The following SLC26A9 variants were observed in gnomAD, a reference collection of about 807,000 sequenced individuals.
SLC26A9 encodes solute carrier family 26 member 9, also known as anion transporter/exchanger protein 9.
SLC26A9 carries 46 observed loss-of-function variants against 87.1 expected under a neutral mutation model. The ratio of observed to expected loss-of-function variants is 0.53; its 90% CI spans 0.42 to 0.67. SLC26A9 has a LOEUF of 0.67. Among genes scored for constraint, SLC26A9 ranks in the 30% least tolerant of loss-of-function variants. The pLI is 0.00. For missense variants in SLC26A9, 927 were observed against 1,018.3 expected, an observed-to-expected ratio of 0.91 and a Z score of 1.22; for synonymous variants, 437 against 409.1, an observed-to-expected ratio of 1.07 and a Z score of -0.82.
At position 205,918,771 on chromosome 1, in the gene SLC26A9, A is replaced by G. The variant is rs1658699477; in HGVS notation, c.2256+69T>C. 2.0e-5 allele frequency: 31 copies of G among 1,541,728 alleles called. 2 individuals are homozygous for G. The South Asian group carries it at 3.7e-4, about 18-fold the overall frequency. On this transcript the variant is annotated intron_variant, in intron 19 of 20. Transcript: ENST00000367135. ...TTAAACCTTCTCCTGTGTTCTTTCTAATAATGCCTCTTGGTCCTGCTATTT... is the reference window on the plus strand; with the variant it reads ...TTAAACCTTCTCCTGTGTTCTTTCTGATAATGCCTCTTGGTCCTGCTATTT...
At position 205,921,855 on chromosome 1, in the gene SLC26A9, G is replaced by T. The variant is rs762696384; in HGVS notation, c.1774-8C>A. ...CTCCTGCAGGGAGACAGTCTGGAAG[G>T]GTGGGGACAGTGGGCAGAGTCAGGG... On this transcript the variant is annotated splice_region_variant and splice_polypyrimidine_tract_variant and intron_variant, in intron 16 of 20. Transcript: ENST00000367135. 1.9e-6 allele frequency: 3 copies of T among 1,601,600 alleles called. No homozygotes were observed. Among genetic ancestry groups the T allele is most frequent in the South Asian group, 2.2e-5 (2 of 89,082 alleles).
Position 205,931,860 on chromosome 1 carries a change from C to G in SLC26A9, c.552G>C (p.Gln184His). 1 of 1,612,244 alleles carries G rather than the reference C, an allele frequency of 6.2e-7. No homozygotes were observed. The highest frequency in any genetic ancestry group is 2.2e-5 in the East Asian group (1 of 44,856). Residue 184 changes from glutamine to histidine, a missense_variant and splice_region_variant, in exon 5 of 21, where the codon CAG becomes CAC. Transcript: ENST00000367135. ...GCAGGGTTGGGGGCTGCCCCCTCAC[C>G]TGGATGATGGCGGTGAGGCAGGCTA... is the stretch of plus-strand genomic sequence containing the variant. ...ATLACLTAII[Q>H]MGLGFMQFGF...
rs1658470420 is a variant in SLC26A9, at chr1:205,913,897, A to T, written c.*1460T>A. 1 of 152,186 alleles carries T rather than the reference A, an allele frequency of 6.6e-6. No individual in the cohort carries two copies. Among genetic ancestry groups the T allele is most frequent in the Admixed American group, 6.5e-5 (1 of 15,280 alleles). 9.4% of individuals were successfully genotyped at this position (152,186 alleles called of 1,614,324 possible). A position where few individuals can be genotyped will look rare whatever the true frequency, so the allele number is the denominator to read the frequency against. On this transcript the variant is annotated 3_prime_UTR_variant, in exon 21 of 21. Transcript: ENST00000367135. ...GGTCTGGCTGAAGTTAGAAATGGGG[A>T]TGTTTTCCTAGGCTGGGCCAGCCCA... is the stretch of plus-strand genomic sequence containing the variant.
chr1:205,942,625 G>T (rs1659798332), intron 1 of SLC26A9, among the ~76,000 whole-genome samples: 1 of 152,198 alleles, frequency 6.6e-6, no homozygotes. Context: ...AGGATGAGGG[G>T]TTTGGAGGCT....
intron 17 of SLC26A9, among the ~76,000 whole-genome samples, chr1:205,920,624 C>T (rs914833176): frequency 3.3e-5 from 5 of 152,150 alleles, no homozygotes; most frequent in Admixed American, 2.6e-4. Flanking sequence ...CTCAGCCTAC[C>T]GAGTAGCTGG....
chr1:205,918,870 T>C lies in SLC26A9; in HGVS notation c.2226A>G (p.Arg742=). 1.2e-6 allele frequency: 2 copies of C among 1,614,160 alleles called. No individual in the cohort carries two copies. Among genetic ancestry groups the C allele is most frequent in the Non-Finnish European group, 8.5e-7 (1 of 1,179,988 alleles). ...DAVLFAQANA[R]DVTPGHNFQG... ...GGAAGTTGTGTCCTGGGGTCACGTC[T>C]CTAGCATTTGCCTGGGCAAAGAGGA... is the stretch of plus-strand genomic sequence containing the variant. The change falls in exon 19 of 21, where the codon AGA becomes AGG. Residue 742 remains arginine, a synonymous_variant. Transcript: ENST00000367135.
At chr1:205,942,933 G>A (rs1004792215) in intron 1 of SLC26A9, among the ~76,000 whole-genome samples, 5 of 152,238 alleles carry the variant, frequency 3.3e-5, no homozygotes, top group African/African-American at 1.2e-4. Flanking sequence ...GGGGGAGACA[G>A]CCATGCAGAG....
Position 205,915,184 on chromosome 1 carries a change from C to G in SLC26A9, c.*173G>C. 1 of 1,611,306 alleles carries G rather than the reference C, an allele frequency of 6.2e-7. No individual in the cohort carries two copies. Among genetic ancestry groups the G allele is most frequent in the Non-Finnish European group, 8.5e-7 (1 of 1,178,006 alleles). On this transcript the variant is annotated 3_prime_UTR_variant, in exon 21 of 21. Coordinates refer to ENST00000367135, the MANE Select transcript of SLC26A9 (RefSeq NM_052934.4). ...CCCCCCTGCTGCTGAGAGGCTCTCT[C>G]TGGAGATGCGGGGAGGGAAGGAAGG...
intron 6 of SLC26A9, 64 bp downstream of exon 6, chr1:205,929,828 T>G: frequency 3.3e-6 from 5 of 1,513,498 alleles, no homozygotes; most frequent in South Asian, 1.3e-5. Flanking sequence ...CTTAAAACAG[T>G]ACATCCTCCT....
rs145083665 is a variant in SLC26A9 at position 205,920,204 on chromosome 1, G to A, written c.2082C>T (p.Gly694=). 5.3e-5 allele frequency: 85 copies of A among 1,614,000 alleles called. 2 individuals carry two copies. In the African/African-American group the frequency reaches 9.3e-4, roughly 18 times the overall value. Residue 694 remains glycine, a synonymous_variant, in exon 18 of 21, where the codon GGC becomes GGT. Transcript: ENST00000367135. ...AKLSSTYGKI[G]VKVFLVNIHA... Reference sequence around the variant, plus strand: ...GGATGTTCACCAAGAAGACCTTCACGCCGATCTTCCCATAGGTGGAGCTCA... The same window carrying A: ...GGATGTTCACCAAGAAGACCTTCACACCGATCTTCCCATAGGTGGAGCTCA...
intron 5 of SLC26A9, among the ~76,000 whole-genome samples, chr1:205,931,536 G>A (rs35427314): frequency 0.081 from 11,825 of 146,392 alleles, 522 homozygotes; most frequent in Middle Eastern, 0.13. Flanking sequence ...GCGCGATCTC[G>A]GCTCACTGCA....
chr1:205,929,366 A>C lies in SLC26A9; in HGVS notation c.718-10T>G. 6.2e-7 allele frequency: 1 copy of C among 1,613,344 alleles called. No homozygotes were observed. Among genetic ancestry groups the C allele is most frequent in the Non-Finnish European group, 8.5e-7 (1 of 1,179,446 alleles). ...AAATGTCAATGAAGGTCTGGGGGAAAGAGCATCATGCTCACAGGCTCCCAC... is the reference window on the plus strand; with the variant it reads ...AAATGTCAATGAAGGTCTGGGGGAACGAGCATCATGCTCACAGGCTCCCAC... On this transcript the variant is annotated splice_polypyrimidine_tract_variant and intron_variant, in intron 6 of 20. Coordinates refer to ENST00000367135, the MANE Select transcript of SLC26A9 (RefSeq NM_052934.4).
Position 205,917,270 on chromosome 1 carries a change from T to C in SLC26A9, c.2328+13A>G. ...CCCTGCTCCCACCCTCACAGCCCCT[T>C]CCCTCAGCTCACCTGCTCTAAGTCC... On this transcript the variant is annotated intron_variant, in intron 20 of 20. Transcript: ENST00000367135. 1 of 1,613,866 alleles carries C rather than the reference T, an allele frequency of 6.2e-7. No homozygotes were observed. The highest frequency in any genetic ancestry group is 8.5e-7 in the Non-Finnish European group (1 of 1,179,908).
At chr1:205,916,089 T>A (rs938593232) in intron 20 of SLC26A9, among the ~76,000 whole-genome samples, 1 of 116,202 alleles carries the variant, frequency 8.6e-6, no homozygotes, top group Non-Finnish European at 1.8e-5. Context: ...TATCCACATA[T>A]CTTTTAGGTT....
At position 205,928,910 on chromosome 1, in the gene SLC26A9, C is replaced by T; in HGVS notation, c.871-1G>A. The T allele has an allele frequency of 6.2e-7, 1 of 1,614,160 alleles. No individual in the cohort carries two copies. Among genetic ancestry groups the T allele is most frequent in the Non-Finnish European group, 8.5e-7 (1 of 1,180,028 alleles). ...CGGAGATAGCTGTTGCCACCACCAC[C>T]TGCAAACCCCAGAGTGGAGAATGGG... On this transcript the variant is annotated splice_acceptor_variant, in intron 7 of 20. Coordinates refer to ENST00000367135, the MANE Select transcript of SLC26A9 (RefSeq NM_052934.4). LOFTEE classifies it high-confidence loss of function.
chr1:205,930,343 G>T (rs540652487), intron 5 of SLC26A9: 1 of 256,352 alleles, frequency 3.9e-6, no homozygotes, highest in Non-Finnish European at 7.4e-6. Flanking sequence ...TTCTCTCTCA[G>T]TAAATGACAC....
In SLC26A9 at chr1:205,915,537, TGTGTGTGTGTGC is replaced by T. The variant is rs1306259449; in HGVS notation, c.2329-145_2329-134del. On this transcript the variant is annotated intron_variant, in intron 20 of 20. Transcript: ENST00000367135. ...AAGCACCTGTGTGTGTGTGTGTGTG[TGTGTGTGTGTGC>T]GAGAGTGTGTGTGAACAGGGGAGAG... is the stretch of plus-strand genomic sequence containing the variant. 9 of 1,203,648 alleles carry T rather than the reference TGTGTGTGTGTGC, an allele frequency of 7.5e-6. No individual in the cohort carries two copies. In the African/African-American group the frequency reaches 1.3e-4, roughly 17 times the overall value. The allele number at this position is 1,203,648 out of a possible 1,614,324, so 74.6% of individuals were successfully genotyped here. A position where few individuals can be genotyped will look rare whatever the true frequency, so the allele number is the denominator to read the frequency against.
At chr1:205,917,941 G>C (rs186841220) in intron 19 of SLC26A9, among the ~76,000 whole-genome samples, 21 of 152,170 alleles carry the variant, frequency 1.4e-4, no homozygotes, top group African/African-American at 3.9e-4. Context: ...ACAAATTCAC[G>C]AAGCAGGAAA....
Position 205,932,007 on chromosome 1 carries a change from C to T in SLC26A9, c.405G>A (p.Val135=). The T allele has an allele frequency of 6.2e-7, 1 of 1,614,180 alleles. No individual in the cohort carries two copies. Among genetic ancestry groups the T allele is most frequent in the Non-Finnish European group, 8.5e-7 (1 of 1,180,010 alleles). The change falls in exon 5 of 21, where the codon GTG becomes GTA. Residue 135 remains valine, a synonymous_variant. Transcript: ENST00000367135. Reference sequence around the variant, plus strand: ...GGGCCAGCTGCAGACAGATGTTACCCACCAGGATGCTGATAACGGCAAAGG... The same window carrying T: ...GGGCCAGCTGCAGACAGATGTTACCTACCAGGATGCTGATAACGGCAAAGG... The part of the protein sequence containing the change: ...PGTFAVISIL[V]GNICLQLAPE...
Sources: allele counts gnomAD v4.1 joint callset (sites outside exome capture counted in the v4.1 genomes callset), GRCh38; gene constraint gnomAD v4.1.1; transcripts MANE v1.5; gene names NCBI Gene and HGNC (gene_info 2026-07-23, HGNC 2026-07-21).